Variants in SSBP3 observed in about 807,000 individuals in gnomAD.
SSBP3 encodes the protein single-stranded DNA-binding protein 3.
SSBP3 carries 5 observed loss-of-function variants against 69.6 expected under a neutral mutation model. The observed-to-expected ratio is 0.07, with a 90% confidence interval of 0.04 to 0.15. The LOEUF is 0.15. Ranked by LOEUF, SSBP3 falls within the 10% of genes least tolerant of loss-of-function variation. The pLI is 1.00. For synonymous variants in SSBP3, 196 were observed against 193.4 expected, an observed-to-expected ratio of 1.01 and a Z score of -0.11; for missense variants, 312 against 534.0, an observed-to-expected ratio of 0.58 and a Z score of 4.10.
At chr1:54,361,612 C>T (rs1048078555) in intron 4 of SSBP3, among the ~76,000 whole-genome samples, 3 of 152,082 alleles carry the variant, frequency 2.0e-5, no homozygotes, top group Admixed American at 6.6e-5. Context: ...AGAGGAGGTG[C>T]GGAACCTGTT....
At chr1:54,243,391 G>A in intron 9 of SSBP3, 92 bp from the exon 10 acceptor site, 1 of 1,448,696 alleles carries the variant, frequency 6.9e-7, no homozygotes, top group Admixed American at 1.7e-5. Flanking sequence ...ATAGTGAGAG[G>A]GTTAGTCTGT....
At chr1:54,302,084 G>C (rs1300207027) in intron 4 of SSBP3, among the ~76,000 whole-genome samples, 2 of 152,208 alleles carry the variant, frequency 1.3e-5, no homozygotes, top group Non-Finnish European at 2.9e-5. Flanking sequence ...TTCCAGCCTG[G>C]TGCCTGCCAC....
intron 4 of SSBP3, among the ~76,000 whole-genome samples, chr1:54,369,334 C>T (rs1396959628): frequency 6.6e-6 from 1 of 151,272 alleles, no homozygotes; most frequent in Non-Finnish European, 1.5e-5. Flanking sequence ...AACTGGGAGG[C>T]CTGCCTATGC....
intron 5 of SSBP3, among the ~76,000 whole-genome samples, chr1:54,278,878 G>A (rs1468466183): frequency 2.0e-5 from 3 of 152,252 alleles, no homozygotes; most frequent in Admixed American, 2.0e-4. Context: ...GTGGCCGGCT[G>A]CAATACTAGT....
intron 4 of SSBP3, among the ~76,000 whole-genome samples, chr1:54,316,176 C>A (rs1381341120): frequency 6.6e-6 from 1 of 151,330 alleles, no homozygotes; most frequent in Non-Finnish European, 1.5e-5. Flanking sequence ...GAAACCCCAA[C>A]TCTATTAAAA....
chr1:54,268,525 G>T (rs537538615), intron 5 of SSBP3, among the ~76,000 whole-genome samples: 1 of 152,310 alleles, frequency 6.6e-6, no homozygotes, highest in East Asian at 1.9e-4. Flanking sequence ...TAGGAAGGGG[G>T]GCTGCAAAGC....
In SSBP3 at chr1:54,404,935, A is replaced by C; in HGVS notation, c.57-5T>G. ...TCGTAGACGTATAAAGCTAACCTGG[A>C]AAGTGGACAGGGGGCAAAGAGAGAG... On this transcript the variant is annotated splice_polypyrimidine_tract_variant and splice_region_variant and intron_variant, in intron 1 of 17. Coordinates refer to ENST00000610401, the Ensembl canonical transcript of SSBP3. 2 of 1,611,962 alleles carry C rather than the reference A, an allele frequency of 1.2e-6. No individual in the cohort carries two copies. The highest frequency in any genetic ancestry group is 1.7e-6 in the Non-Finnish European group (2 of 1,179,596).
At chr1:54,294,539 T>C (rs573944545) in intron 4 of SSBP3, among the ~76,000 whole-genome samples, 14 of 152,166 alleles carry the variant, frequency 9.2e-5, no homozygotes, top group Non-Finnish European at 1.3e-4. Context: ...ACAAAAGCAA[T>C]GAGAGGGAGT....
intron 4 of SSBP3, among the ~76,000 whole-genome samples, chr1:54,342,874 C>T (rs1393639356): frequency 6.6e-6 from 1 of 152,210 alleles, no homozygotes; most frequent in Admixed American, 6.5e-5. Context: ...TCTGCTGCCT[C>T]CCCTCCCAGT....
At chr1:54,242,326 C>T in intron 10 of SSBP3, 114 bp from the exon 11 acceptor site, 2 of 1,278,414 alleles carry the variant, frequency 1.6e-6, no homozygotes, top group Non-Finnish European at 2.2e-6. Context: ...GTCCTTCCTA[C>T]AGCCCTGCGG....
chr1:54,279,530 A>C (rs1038674119), intron 5 of SSBP3, among the ~76,000 whole-genome samples: 7 of 152,238 alleles, frequency 4.6e-5, no homozygotes, highest in African/African-American at 1.7e-4. Context: ...ACAGTGGTCT[A>C]ATCTGCACCG....
intron 4 of SSBP3, among the ~76,000 whole-genome samples, chr1:54,324,265 C>G (rs571781413): frequency 2.0e-5 from 3 of 152,206 alleles, no homozygotes; most frequent in Admixed American, 6.5e-5. Flanking sequence ...GCAGACAAAG[C>G]CCCTTTACAA....
intron 4 of SSBP3, among the ~76,000 whole-genome samples, chr1:54,365,817 C>G (rs1009604903): frequency 2.0e-5 from 3 of 152,328 alleles, no homozygotes; most frequent in Admixed American, 1.3e-4. Context: ...ATCTGGTGGG[C>G]TGCACAACCT....
At chr1:54,265,256 C>T (rs1645081032) in intron 5 of SSBP3, among the ~76,000 whole-genome samples, 1 of 152,292 alleles carries the variant, frequency 6.6e-6, no homozygotes, top group South Asian at 2.1e-4. Flanking sequence ...TTCTTCATTT[C>T]AACCCATGGG....
intron 3 of SSBP3, among the ~76,000 whole-genome samples, chr1:54,402,217 A>G (rs2100816878): frequency 6.6e-6 from 1 of 152,290 alleles, no homozygotes; most frequent in East Asian, 1.9e-4. Flanking sequence ...TCTACCATAT[A>G]CTGTAAGGTA....
chr1:54,406,049 C>CGCCGCT, exon 1 of SSBP3: 1 of 1,423,094 alleles, frequency 7.0e-7, no homozygotes, highest in Non-Finnish European at 9.3e-7. Context: ...CCGCCGCCGC[C>CGCCGCT]GCCGCCGCCG....
At chr1:54,385,704 T>C (rs1421178202) in intron 4 of SSBP3, among the ~76,000 whole-genome samples, 1 of 152,244 alleles carries the variant, frequency 6.6e-6, no homozygotes, top group Non-Finnish European at 1.5e-5. Flanking sequence ...CATTCTTTCA[T>C]TCCTGAAATA....
At chr1:54,227,007 T>C (rs1570167950) in exon 18 of SSBP3, 2 of 647,034 alleles carry the variant, frequency 3.1e-6, no homozygotes, top group Admixed American at 2.3e-5. Context: ...TGGGAGGGGG[T>C]TGAGGGGAGC....
chr1:54,276,608 C>CAAAAAAAAAAAAAAAAAAAAAAAAAAA (rs746933473), intron 5 of SSBP3, among the ~76,000 whole-genome samples: 1 of 35,224 alleles, frequency 2.8e-5, no homozygotes, highest in African/African-American at 1.5e-4. Flanking sequence ...GACTCTGTCT[C>CAAAAAAAAAAAAAAAAAAAAAAAAAAA]AAAAAAAAAA....
Sources: allele counts gnomAD v4.1 joint callset (sites outside exome capture counted in the v4.1 genomes callset), GRCh38; gene constraint gnomAD v4.1.1; transcripts MANE v1.5; gene names NCBI Gene and HGNC (gene_info 2026-07-23, HGNC 2026-07-21).